Variants in SUFU observed in about 807,000 individuals in gnomAD.
The protein encoded by SUFU is suppressor of fused homolog.
In SUFU, 7 loss-of-function variants were observed where a neutral mutation model predicts 58.9. The ratio of observed to expected loss-of-function variants is 0.12; its 90% CI spans 0.07 to 0.22. The LOEUF is 0.22. SUFU is among the 10% of genes least tolerant of loss of function. The pLI is 1.00. For synonymous variants in SUFU, 232 were observed against 254.8 expected (o/e 0.91, Z 0.85); for missense variants, 451 against 641.3 (o/e 0.70, Z 3.20).
intron 3 of SUFU, 77 bp from the exon 4 acceptor site, chr10:102,592,505 C>A: frequency 6.3e-7 from 1 of 1,581,644 alleles, no homozygotes; most frequent in Non-Finnish European, 8.7e-7. Flanking sequence ...CCAGCCTGGG[C>A]TAGTGAGATC....
rs2063190258 is a variant in SUFU, at chr10:102,574,160, A to G, written c.455-18422A>G. Among the ~76,000 whole-genome samples, 3 of 152,190 alleles carry G rather than the reference A, an allele frequency of 2.0e-5. No individual in the cohort carries two copies. The South Asian group carries it at 6.2e-4, about 31-fold the overall frequency. ...TTGAGTACCAAGGGGATTGGGGACC[A>G]TGGGGGCACCTTAGAGTCTGTCTGC... On this transcript the variant is annotated intron_variant, in intron 3 of 11. Transcript: ENST00000369902.
chr10:102,528,801 G>A (rs2062641803), intron 2 of SUFU, among the ~76,000 whole-genome samples: 1 of 152,070 alleles, frequency 6.6e-6, no homozygotes, highest in South Asian at 2.1e-4. Context: ...CTTGAGTGGG[G>A]CAAATGCATT....
intron 5 of SUFU, 114 bp downstream of exon 5, chr10:102,593,835 C>T: frequency 7.3e-7 from 1 of 1,367,862 alleles, no homozygotes; most frequent in Non-Finnish European, 1.0e-6. Context: ...CCTGGTTTTT[C>T]ACATCAGGGC....
chr10:102,599,394 CCCACTGGG>C (rs964117379), intron 7 of SUFU, 31 bp from the exon 8 acceptor site: 2 of 1,502,620 alleles, frequency 1.3e-6, no homozygotes, highest in Non-Finnish European at 1.9e-6. Context: ...TTGCTGGGAG[CCCACTGGG>C]CCACTGGGCA....
chr10:102,510,141 C>T lies in SUFU; in HGVS notation c.317+838C>T, dbSNP rs148063356. 1.0e-3 allele frequency among the ~76,000 whole-genome samples: 153 copies of T among 150,430 alleles called. 2 individuals carry two copies. The highest frequency in any genetic ancestry group is 2.0e-3 in the Non-Finnish European group (137 of 67,484). ...TGGGTGTGAGCCACTGTGCCCAACT[C>T]AGAGTTCATACTGTTAATGACTGTA... is the stretch of plus-strand genomic sequence containing the variant. On this transcript the variant is annotated intron_variant, in intron 2 of 11. Coordinates refer to ENST00000369902, the MANE Select transcript of SUFU (RefSeq NM_016169.4).
In SUFU at chr10:102,619,396, G is replaced by A; in HGVS notation, c.1296+1968G>A. The A allele has an allele frequency of 7.2e-7, 1 of 1,381,992 alleles. No homozygotes were observed. The highest frequency in any genetic ancestry group is 9.4e-7 in the Non-Finnish European group (1 of 1,066,964). 85.6% of individuals were successfully genotyped at this position (1,381,992 alleles called of 1,614,324 possible). On this transcript the variant is annotated intron_variant, in intron 10 of 11. Transcript: ENST00000369902. The surrounding 1 kb of genome is among the most constrained non-coding windows in gnomAD (Gnocchi z 4.2). Reference sequence around the variant, plus strand: ...CATGGGCTGTTGCCCAGGGAACCGGGGCGCGGTGGGAACGAGCTGCTGGCC... The same window carrying A: ...CATGGGCTGTTGCCCAGGGAACCGGAGCGCGGTGGGAACGAGCTGCTGGCC...
At chr10:102,551,465 C>T (rs911313065) in intron 3 of SUFU, among the ~76,000 whole-genome samples, 1 of 151,880 alleles carries the variant, frequency 6.6e-6, no homozygotes, top group Non-Finnish European at 1.5e-5. Flanking sequence ...TGGTGAAACC[C>T]TGTGTCTACT....
At chr10:102,589,291 T>G (rs1236964405) in intron 3 of SUFU, among the ~76,000 whole-genome samples, 1 of 152,116 alleles carries the variant, frequency 6.6e-6, no homozygotes, top group African/African-American at 2.4e-5. Context: ...TTGCATATTG[T>G]TTTTGTACCC....
chr10:102,556,419 T>G (rs1307624448), intron 3 of SUFU, among the ~76,000 whole-genome samples: 1 of 152,130 alleles, frequency 6.6e-6, no homozygotes, highest in Non-Finnish European at 1.5e-5. Flanking sequence ...TATAGACAGA[T>G]TAGGGTGATT....
At chr10:102,613,660 A>T (rs1478568399) in intron 8 of SUFU, among the ~76,000 whole-genome samples, 1 of 152,246 alleles carries the variant, frequency 6.6e-6, no homozygotes, top group Non-Finnish European at 1.5e-5. Flanking sequence ...TTTGATGGAC[A>T]CTTGGGGAAT....
At chr10:102,567,263 G>A (rs538315151) in intron 3 of SUFU, among the ~76,000 whole-genome samples, 82 of 151,670 alleles carry the variant, frequency 5.4e-4, no homozygotes, top group Admixed American at 3.5e-3. Flanking sequence ...CGCCTGCCTC[G>A]GCCTCCCAAA....
intron 2 of SUFU, among the ~76,000 whole-genome samples, chr10:102,520,379 G>A (rs959691332): frequency 6.0e-5 from 9 of 151,134 alleles, no homozygotes; most frequent in Non-Finnish European, 1.2e-4. Flanking sequence ...CACCACGCCC[G>A]GCTAATTTTT....
intron 2 of SUFU, among the ~76,000 whole-genome samples, chr10:102,520,610 C>T (rs2135665979): frequency 6.6e-6 from 1 of 152,290 alleles, no homozygotes. Context: ...CCTTGTGCTC[C>T]ACCTGTTCAT....
Position 102,599,437 on chromosome 10 carries a change from A to G in SUFU, c.915A>G (p.Thr305=), listed in dbSNP as rs1375112205. The G allele has an allele frequency of 1.2e-6, 2 of 1,613,950 alleles. No individual in the cohort carries two copies. The highest frequency in any genetic ancestry group is 2.7e-5 in the African/African-American group (2 of 75,054). The change falls in exon 8 of 12, where the codon ACA becomes ACG. Residue 305 remains threonine (T), a synonymous_variant. Transcript: ENST00000369902. ...AACTTAGTGGTGTCGTTGCAGACAC[A>G]GAGCAGATCCGGGAGACCCTGAGGA... ...TQPRRLSGKD[T]EQIRETLRRG...
In SUFU at chr10:102,614,158, TGCTCAGAGCTAGG is replaced by T. The variant is rs1197440137; in HGVS notation, c.1023-1101_1023-1089del. On this transcript the variant is annotated intron_variant, in intron 8 of 11. Coordinates refer to ENST00000369902, the MANE Select transcript of SUFU (RefSeq NM_016169.4). Reference sequence around the variant, plus strand: ...AAACTCTTGGAGCCGCATCTCATGGTGCTCAGAGCTAGGGCTCAGAGGCTCCAGGGCAGGAGAG... The same window carrying T: ...AAACTCTTGGAGCCGCATCTCATGGTGCTCAGAGGCTCCAGGGCAGGAGAG... Among the ~76,000 whole-genome samples, 3 of 152,314 alleles carry T rather than the reference TGCTCAGAGCTAGG, an allele frequency of 2.0e-5. No homozygotes were observed. The East Asian group carries it at 5.8e-4, about 29-fold the overall frequency.
chr10:102,588,972 G>C (rs2063365184), intron 3 of SUFU, among the ~76,000 whole-genome samples: 1 of 151,814 alleles, frequency 6.6e-6, no homozygotes, highest in Non-Finnish European at 1.5e-5. Flanking sequence ...GCCCAGGCTG[G>C]AATGCAGTGA....
chr10:102,529,582 G>T (rs1358818599), intron 2 of SUFU, among the ~76,000 whole-genome samples: 1 of 152,138 alleles, frequency 6.6e-6, no homozygotes, highest in African/African-American at 2.4e-5. Context: ...GACCAGCCTG[G>T]CCAATATGGA....
chr10:102,621,069 T>C (rs906291312), intron 10 of SUFU, among the ~76,000 whole-genome samples: 1 of 152,182 alleles, frequency 6.6e-6, no homozygotes, highest in Non-Finnish European at 1.5e-5. Context: ...GCTCTGCTGC[T>C]CCAGGCCAGG....
At chr10:102,612,710 G>A (rs2135923227) in intron 8 of SUFU, among the ~76,000 whole-genome samples, 1 of 152,320 alleles carries the variant, frequency 6.6e-6, no homozygotes, top group South Asian at 2.1e-4. Context: ...TGTGTCTGGA[G>A]GCAGGAACCG....
Sources: gnomAD v4.1 joint callset for allele counts (sites outside exome capture counted in the v4.1 genomes callset) on GRCh38, gnomAD v4.1.1 for gene constraint, Gnocchi (gnomAD v3.1) non-coding constraint, MANE v1.5 for transcripts, NCBI Gene and HGNC (gene_info 2026-07-23, HGNC 2026-07-21) for gene names.